The following MYRIP variants were observed in gnomAD, a reference collection of about 807,000 sequenced individuals.
The protein encoded by MYRIP is myosin VIIA and Rab interacting protein.
A neutral mutation model predicts 98.0 loss-of-function variants in MYRIP; 49 were observed. The ratio of observed to expected loss-of-function variants is 0.50; its 90% CI spans 0.40 to 0.63. The LOEUF (loss-of-function observed/expected upper bound fraction) is 0.63, where lower values mean the gene tolerates loss of function less well. Among genes scored for constraint, MYRIP ranks in the 30% least tolerant of loss-of-function variants. The pLI, the probability that MYRIP is intolerant of heterozygous loss-of-function variation, is 0.00. For synonymous variants in MYRIP, 404 were observed against 409.5 expected, an observed-to-expected ratio of 0.99 and a Z score of 0.16; for missense variants, 1,004 against 1,058.2, an observed-to-expected ratio of 0.95 and a Z score of 0.71.
chr3:40,229,834 C>A (rs1415408219), intron 11 of MYRIP, among the ~76,000 whole-genome samples: 1 of 152,086 alleles, frequency 6.6e-6, no homozygotes, highest in Non-Finnish European at 1.5e-5. Context: ...AGCAGGACAC[C>A]AAGAGCATGG....
intron 3 of MYRIP, among the ~76,000 whole-genome samples, chr3:40,109,007 G>A (rs1478585735): frequency 6.6e-6 from 1 of 152,094 alleles, no homozygotes; most frequent in East Asian, 1.9e-4. Flanking sequence ...TTACCTCAGA[G>A]CCTACTGTAA....
chr3:39,959,738 G>A (rs1266800697), intron 2 of MYRIP, among the ~76,000 whole-genome samples: 1 of 151,620 alleles, frequency 6.6e-6, no homozygotes, highest in African/African-American at 2.4e-5. Flanking sequence ...AAAACAAGTG[G>A]ATTGTATAGA....
chr3:39,885,847 T>C (rs1329160314), intron 1 of MYRIP, among the ~76,000 whole-genome samples: 4 of 152,240 alleles, frequency 2.6e-5, no homozygotes, highest in African/African-American at 9.6e-5. Context: ...TTCAGCTCCA[T>C]CAGCTCCTTT....
rs192570361 is a variant in MYRIP, at chr3:40,245,521, C to T, written c.2262+914C>T. 6.6e-3 allele frequency among the ~76,000 whole-genome samples: 1,003 copies of T among 151,592 alleles called. 13 individuals are homozygous for T. Among genetic ancestry groups the T allele is most frequent in the African/African-American group, 0.022 (912 of 41,326 alleles). On this transcript the variant is annotated intron_variant, in intron 13 of 16. Coordinates refer to ENST00000302541, the MANE Select transcript of MYRIP (RefSeq NM_015460.4). ...AAAATTAGCCGGGAGTGGTGGCGGG[C>T]GCCTGTAGTCCCAGCTACTTGGGAG...
intron 7 of MYRIP, among the ~76,000 whole-genome samples, chr3:40,168,939 A>G (rs965242650): frequency 1.3e-5 from 2 of 152,186 alleles, no homozygotes; most frequent in African/African-American, 4.8e-5. Context: ...GATAATTCAC[A>G]TCCCTTCCGT....
chr3:40,246,942 A>G (rs1953225626), intron 13 of MYRIP, among the ~76,000 whole-genome samples: 1 of 152,238 alleles, frequency 6.6e-6, no homozygotes, highest in Non-Finnish European at 1.5e-5. Context: ...TATTATCAGT[A>G]AGAATGGCTG....
chr3:40,163,432 C>A (rs1054510517), intron 5 of MYRIP, among the ~76,000 whole-genome samples: 3 of 152,156 alleles, frequency 2.0e-5, no homozygotes, highest in African/African-American at 7.2e-5. Context: ...AACCTTATTT[C>A]TGGGTTTGTC....
intron 2 of MYRIP, among the ~76,000 whole-genome samples, chr3:39,984,381 C>G (rs1458864257): frequency 6.6e-6 from 1 of 152,050 alleles, no homozygotes; most frequent in African/African-American, 2.4e-5. Context: ...CCGCCCTCCC[C>G]CCATCCCACA....
At chr3:40,078,060 G>A (rs1382852649) in intron 3 of MYRIP, among the ~76,000 whole-genome samples, 3 of 152,364 alleles carry the variant, frequency 2.0e-5, no homozygotes, top group South Asian at 2.1e-4. Context: ...TGCAGGTCCC[G>A]AGCCCTGCCC....
intron 11 of MYRIP, among the ~76,000 whole-genome samples, chr3:40,218,834 T>C (rs1401494399): frequency 1.3e-5 from 2 of 151,680 alleles, no homozygotes; most frequent in Non-Finnish European, 2.9e-5. Context: ...CCCAAATTAA[T>C]ACATATATTT....
At chr3:40,156,510 T>A (rs1229906569) in intron 4 of MYRIP, among the ~76,000 whole-genome samples, 2 of 152,214 alleles carry the variant, frequency 1.3e-5, no homozygotes, top group Admixed American at 6.5e-5. Context: ...TTTAAAGTAG[T>A]TTTTTCCAAT....
intron 2 of MYRIP, among the ~76,000 whole-genome samples, chr3:39,909,470 A>G (rs1263893905): frequency 6.6e-6 from 1 of 152,210 alleles, no homozygotes; most frequent in Non-Finnish European, 1.5e-5. Flanking sequence ...CTTGAAGAAG[A>G]GTCCAAAAGA....
chr3:39,910,705 CT>C (rs1014450295), intron 2 of MYRIP, among the ~76,000 whole-genome samples: 38 of 152,046 alleles, frequency 2.5e-4, no homozygotes, highest in African/African-American at 8.0e-4. Flanking sequence ...GTTAATTTCA[CT>C]TTTTTTTACT....
chr3:39,995,619 A>G (rs1946327560), intron 2 of MYRIP, among the ~76,000 whole-genome samples: 1 of 152,214 alleles, frequency 6.6e-6, no homozygotes, highest in South Asian at 2.1e-4. Flanking sequence ...TCTGCAGGAT[A>G]TTATACAGAA....
At chr3:40,046,043 C>T (rs1349761819) in intron 3 of MYRIP, among the ~76,000 whole-genome samples, 1 of 151,838 alleles carries the variant, frequency 6.6e-6, no homozygotes, top group Non-Finnish European at 1.5e-5. Context: ...GAGTGGTGAC[C>T]ATGGGAAGAG....
chr3:40,083,467 T>G (rs1364232452), intron 3 of MYRIP, among the ~76,000 whole-genome samples: 1 of 152,164 alleles, frequency 6.6e-6, no homozygotes, highest in Non-Finnish European at 1.5e-5. Flanking sequence ...ATTTCCATCT[T>G]CAGTAATAGT....
chr3:40,015,903 T>A (rs1471897160), intron 2 of MYRIP, among the ~76,000 whole-genome samples: 18 of 152,198 alleles, frequency 1.2e-4, no homozygotes, highest in Non-Finnish European at 2.5e-4. Context: ...CCAGTTTCTA[T>A]AACATTCCCC....
chr3:40,211,878 G>A (rs1951940356), intron 11 of MYRIP, among the ~76,000 whole-genome samples: 1 of 151,894 alleles, frequency 6.6e-6, no homozygotes, highest in African/African-American at 2.4e-5. Flanking sequence ...GAAAGGAGGA[G>A]CTACTGGGGG....
intron 2 of MYRIP, among the ~76,000 whole-genome samples, chr3:39,911,909 G>A (rs535387653): frequency 2.6e-4 from 40 of 152,292 alleles, no homozygotes; most frequent in East Asian, 9.7e-4. Flanking sequence ...CTCCTGGTCC[G>A]TTTCTGAACC....
Sources: allele counts gnomAD v4.1 joint callset (sites outside exome capture counted in the v4.1 genomes callset), GRCh38; gene constraint gnomAD v4.1.1; transcripts MANE v1.5; gene names NCBI Gene and HGNC (gene_info 2026-07-23, HGNC 2026-07-21).